The following DMAC2 variants were observed in gnomAD, a reference collection of about 807,000 sequenced individuals.
The protein encoded by DMAC2 is distal membrane arm assembly component 2.
Under a neutral mutation model 29.6 loss-of-function variants are expected in DMAC2, and 32 were observed. That is an observed-to-expected ratio of 1.08 (90% CI 0.81 to 1.45). The LOEUF is 1.45. Among genes scored for constraint, DMAC2 ranks in the 40% most tolerant of loss-of-function variants. The pLI, the probability that DMAC2 is intolerant of heterozygous loss-of-function variation, is 0.00. For missense variants in DMAC2, 319 were observed against 340.0 expected (o/e 0.94, Z 0.49); for synonymous variants, 133 against 137.4 (o/e 0.97, Z 0.23).
At chr19:41,434,397 C>CAAAAAAAA (rs1160927067) in intron 3 of DMAC2, among the ~76,000 whole-genome samples, 4 of 63,270 alleles carry the variant, frequency 6.3e-5, no homozygotes, top group African/African-American at 2.6e-4. Context: ...GACCCTATCT[C>CAAAAAAAA]AAAAAAAAAA....
intron 1 of DMAC2, 178 bp downstream of exon 1, chr19:41,439,704 C>CCTCACA: frequency 7.7e-7 from 1 of 1,302,524 alleles, no homozygotes; most frequent in Non-Finnish European, 1.1e-6. Context: ...CGCCTGCGAC[C>CCTCACA]CTCACAGATC....
chr19:41,432,081 TG>T lies in DMAC2; in HGVS notation c.*149del. Reference sequence around the variant, plus strand: ...GCCAAGGGCAGCCAGGAATAAATACTGGGAACTCACGCTCTCTCCTGTGATT... The same window carrying T: ...GCCAAGGGCAGCCAGGAATAAATACTGGAACTCACGCTCTCTCCTGTGATT... On this transcript the variant is annotated 3_prime_UTR_variant, in exon 6 of 6. Coordinates refer to ENST00000221943, the MANE Select transcript of DMAC2 (RefSeq NM_018035.3). 1.2e-6 allele frequency: 1 copy of T among 854,742 alleles called. No individual in the cohort carries two copies. The highest frequency in any genetic ancestry group is 1.7e-5 in the South Asian group (1 of 58,496). The allele number at this position is 854,742 out of a possible 1,614,324, so 52.9% of individuals were successfully genotyped here. A position where few individuals can be genotyped will look rare whatever the true frequency, so the allele number is the denominator to read the frequency against.
At chr19:41,432,489 C>CAT (rs2039568852) in intron 5 of DMAC2, 81 bp from the exon 6 acceptor site, 1 of 1,238,860 alleles carries the variant, frequency 8.1e-7, no homozygotes, top group African/African-American at 1.6e-5. Context: ...ACAGCGTGTG[C>CAT]GTGTGTGTGT....
In DMAC2 at chr19:41,433,415, C is replaced by CTGGA; in HGVS notation, c.449_452dup (p.Gln151HisfsTer89). The CTGGA allele has an allele frequency of 6.2e-7, 1 of 1,613,658 alleles. No individual in the cohort carries two copies. Among genetic ancestry groups the CTGGA allele is most frequent in the Non-Finnish European group, 8.5e-7 (1 of 1,179,762 alleles). ...GGCAGCAGCGCTGCAGCGACAAGGA[C>CTGGA]TGGAGCTCCTTCAGGCGGACTGCGG... is the stretch of plus-strand genomic sequence containing the variant. On this transcript the variant is annotated frameshift_variant, in exon 5 of 6. Transcript: ENST00000221943. LOFTEE classifies it high-confidence loss of function.
rs373902389 is a variant in DMAC2 at position 41,436,436 on chromosome 19, G to A, written c.252C>T (p.Tyr84=). The change falls in exon 3 of 6, where the codon TAC becomes TAT. Residue 84 remains tyrosine (Y), a synonymous_variant. Coordinates refer to ENST00000221943, the MANE Select transcript of DMAC2 (RefSeq NM_018035.3). ...YTWLEKQHGP[Y]GAGAFFILKQ... is the part of the protein sequence containing the mutation. ...TCAGGATGAAAAAGGCACCTGCGCC[G>A]TATGGACCATGTTGCTTCTCCAGCC... 1.2e-5 allele frequency: 19 copies of A among 1,614,004 alleles called. No homozygotes were observed. Among genetic ancestry groups the A allele is most frequent in the African/African-American group, 6.7e-5 (5 of 74,912 alleles).
At position 41,431,631 on chromosome 19, in the gene DMAC2, C is replaced by T; in HGVS notation, c.*600G>A. The T allele has an allele frequency of 3.5e-6, 1 of 284,932 alleles. No homozygotes were observed. The highest frequency in any genetic ancestry group is 3.3e-5 in the South Asian group (1 of 30,274). 17.7% of individuals were successfully genotyped at this position (284,932 alleles called of 1,614,324 possible). A position where few individuals can be genotyped will look rare whatever the true frequency, so the allele number is the denominator to read the frequency against. ...GAACCACGAAGGAGGCGCCTTTCCT[C>T]CTATAATGCCTGTTTGGTGCCCTCT... On this transcript the variant is annotated 3_prime_UTR_variant, in exon 6 of 6. Coordinates refer to ENST00000221943, the MANE Select transcript of DMAC2 (RefSeq NM_018035.3).
intron 5 of DMAC2, 52 bp from the exon 6 acceptor site, chr19:41,432,460 G>A (rs1240209804): frequency 1.9e-6 from 3 of 1,576,134 alleles, no homozygotes; most frequent in African/African-American, 1.3e-5. Flanking sequence ...GCATGTGTGT[G>A]TGTGTAGGGA....
At chr19:41,437,496 C>T (rs1395486181) in intron 2 of DMAC2, among the ~76,000 whole-genome samples, 11 of 152,074 alleles carry the variant, frequency 7.2e-5, no homozygotes, top group Non-Finnish European at 1.6e-4. Flanking sequence ...GTCAGGAGTT[C>T]GAGAGCAGCC....
At position 41,431,833 on chromosome 19, in the gene DMAC2, G is replaced by A. The variant is rs1465733682; in HGVS notation, c.*398C>T. 5 of 254,974 alleles carry A rather than the reference G, an allele frequency of 2.0e-5. No individual in the cohort carries two copies. The highest frequency in any genetic ancestry group is 5.3e-5 in the South Asian group (1 of 18,904). 15.8% of individuals were successfully genotyped at this position (254,974 alleles called of 1,614,324 possible). A position where few individuals can be genotyped will look rare whatever the true frequency, so the allele number is the denominator to read the frequency against. On this transcript the variant is annotated 3_prime_UTR_variant, in exon 6 of 6. Transcript: ENST00000221943. ...TGCAGTGGGCACAGCGGCCCTGCAC[G>A]GGGGAGAACCATCCCTGTAAAGTGT... is the stretch of plus-strand genomic sequence containing the variant.
At position 41,439,859 on chromosome 19, in the gene DMAC2, C is replaced by T. The variant is rs782188443; in HGVS notation, c.18+23G>A. On this transcript the variant is annotated intron_variant, in intron 1 of 5. Coordinates refer to ENST00000221943, the MANE Select transcript of DMAC2 (RefSeq NM_018035.3). ...TGTAGAGCGGACTTCAAATTTGGGG[C>T]TCTAGGAACTCCGGTCACTTACCGC... The T allele has an allele frequency of 4.3e-6, 7 of 1,614,162 alleles. No homozygotes were observed. The East Asian group carries it at 1.6e-4, about 36-fold the overall frequency.
Position 41,431,332 on chromosome 19 carries a change from A to G in DMAC2, c.*899T>C, listed in dbSNP as rs1406270276. 3.9e-6 allele frequency: 2 copies of G among 518,728 alleles called. No individual in the cohort carries two copies. The highest frequency in any genetic ancestry group is 7.7e-6 in the Non-Finnish European group (2 of 259,732). The allele number at this position is 518,728 out of a possible 1,614,324, so 32.1% of individuals were successfully genotyped here. On this transcript the variant is annotated 3_prime_UTR_variant, in exon 6 of 6. Coordinates refer to ENST00000221943, the MANE Select transcript of DMAC2 (RefSeq NM_018035.3). ...AAACCACAGAGTAACTTGAACAGGG[A>G]AAGTTTAATATAGAGAATTACTGGC...
At chr19:41,439,841 C>A in intron 1 of DMAC2, 41 bp downstream of exon 1, 1 of 1,614,062 alleles carries the variant, frequency 6.2e-7, no homozygotes, top group African/African-American at 1.3e-5. Flanking sequence ...GGCTGTAGAG[C>A]GGACTTCAAA....
chr19:41,435,190 C>T (rs1252013432), intron 3 of DMAC2, among the ~76,000 whole-genome samples: 1 of 151,972 alleles, frequency 6.6e-6, no homozygotes, highest in Non-Finnish European at 1.5e-5. Flanking sequence ...GTTGCCGAGG[C>T]TGGTCTTGAA....
rs1164841710 is a variant in DMAC2, at chr19:41,432,855, AGTGT to A, written c.596+413_596+416del. On this transcript the variant is annotated intron_variant, in intron 5 of 5. Coordinates refer to ENST00000221943, the MANE Select transcript of DMAC2 (RefSeq NM_018035.3). ...GCCCCAAATTTCAACCTTACAGGAC[AGTGT>A]GTGTGCGTGCGTGTGTGTGTGTGCG... is the stretch of plus-strand genomic sequence containing the variant. 1.2e-4 allele frequency: 59 copies of A among 478,422 alleles called. No homozygotes were observed. In the Middle Eastern group the frequency reaches 1.6e-3, roughly 13 times the overall value. 29.6% of individuals were successfully genotyped at this position (478,422 alleles called of 1,614,324 possible).
chr19:41,432,653 C>CGTGTGTGTGTGTGTGTGTGT lies in DMAC2; in HGVS notation c.597-265_597-246dup, dbSNP rs782279895. On this transcript the variant is annotated intron_variant, in intron 5 of 5. Transcript: ENST00000221943. ...GTGTGTGTAGGGAGGTACAGGACAG[C>CGTGTGTGTGTGTGTGTGTGT]GTGTGTGTGTGTGTGTGTGTGTGTA... 4.7e-4 allele frequency: 104 copies of CGTGTGTGTGTGTGTGTGTGT among 220,772 alleles called. 1 individual carries two copies. The African/African-American group carries it at 4.8e-3, about 10-fold the overall frequency. 13.7% of individuals were successfully genotyped at this position (220,772 alleles called of 1,614,324 possible).
intron 1 of DMAC2, chr19:41,439,679 C>T (rs2040053236): frequency 7.6e-7 from 1 of 1,319,264 alleles, no homozygotes; most frequent in Non-Finnish European, 1.0e-6. Flanking sequence ...CTCTCGCTCG[C>T]TAAAGCGTCT....
In DMAC2 at chr19:41,433,322, G is replaced by A. The variant is rs781789468; in HGVS notation, c.546C>T (p.Ala182=). The change falls in exon 5 of 6, where the codon GCC becomes GCT. Residue 182 remains alanine, a synonymous_variant. Transcript: ENST00000221943. ...CCCGTTCGGAGATGCGGGGGCAACC[G>A]GCCAGCGAGAGCTCCTGCAACGAGT... is the stretch of plus-strand genomic sequence containing the variant. ...LADSLQELSL[A]GCPRISERGL... 30 of 1,611,496 alleles carry A rather than the reference G, an allele frequency of 1.9e-5. No individual in the cohort carries two copies. Among genetic ancestry groups the A allele is most frequent in the Middle Eastern group, 3.4e-4 (2 of 5,848 alleles).
At position 41,439,883 on chromosome 19, in the gene DMAC2, G is replaced by C. The variant is rs1178177160; in HGVS notation, c.17C>G (p.Ala6Gly). The change falls in exon 1 of 6, where the codon GCG (alanine) becomes GGG (glycine). Residue 6 changes from alanine to glycine, a missense_variant and splice_region_variant. Ala to Gly is a moderately conservative substitution (Grantham distance 60). Coordinates refer to ENST00000221943, the MANE Select transcript of DMAC2 (RefSeq NM_018035.3). MAAPWASLRLVAPMWN... is the reference protein window; with the variant it reads MAAPWGSLRLVAPMWN... Reference sequence around the variant, plus strand: ...GCTCTAGGAACTCCGGTCACTTACCGCCCAGGGAGCCGCCATCTTGCTAAG... The same window carrying C: ...GCTCTAGGAACTCCGGTCACTTACCCCCCAGGGAGCCGCCATCTTGCTAAG... 1 of 1,614,182 alleles carries C rather than the reference G, an allele frequency of 6.2e-7. No individual in the cohort carries two copies. The highest frequency in any genetic ancestry group is 1.3e-5 in the African/African-American group (1 of 75,040).
chr19:41,432,581 G>T, intron 5 of DMAC2, 173 bp from the exon 6 acceptor site: 1 of 636,888 alleles, frequency 1.6e-6, no homozygotes, highest in South Asian at 1.8e-5. Flanking sequence ...GTGTGTGTGT[G>T]TGTGTGTATA....
Sources: gnomAD v4.1 joint callset for allele counts (sites outside exome capture counted in the v4.1 genomes callset) on GRCh38, gnomAD v4.1.1 for gene constraint, MANE v1.5 for transcripts, NCBI Gene and HGNC (gene_info 2026-07-23, HGNC 2026-07-21) for gene names.